Variants in STON2 observed in about 807,000 individuals in gnomAD.
STON2 encodes stonin 2.
A neutral mutation model predicts 65.7 loss-of-function variants in STON2; 29 were observed. The ratio of observed to expected loss-of-function variants is 0.44; its 90% CI spans 0.33 to 0.60. The LOEUF (loss-of-function observed/expected upper bound fraction) is 0.60, where lower values mean the gene tolerates loss of function less well. STON2 is among the 20% of genes least tolerant of loss of function. STON2 has a pLI of 0.03. For synonymous variants in STON2, 404 were observed against 414.2 expected, an observed-to-expected ratio of 0.98 and a Z score of 0.30; for missense variants, 1,054 against 1,118.1, an observed-to-expected ratio of 0.94 and a Z score of 0.82.
At chr14:81,315,317 T>C (rs1896577412) in intron 5 of STON2, among the ~76,000 whole-genome samples, 1 of 152,160 alleles carries the variant, frequency 6.6e-6, no homozygotes, top group South Asian at 2.1e-4. Context: ...ACTCAACACC[T>C]CTTCAAGGGA....
chr14:81,339,582 C>A (rs1897511762), intron 4 of STON2, among the ~76,000 whole-genome samples: 1 of 152,126 alleles, frequency 6.6e-6, no homozygotes, highest in Non-Finnish European at 1.5e-5. Context: ...AAGTTCAGAG[C>A]CAAGAACAGC....
In STON2 at chr14:81,265,110, T is replaced by C; in HGVS notation, c.*3304A>G. 1 of 985,214 alleles carries C rather than the reference T, an allele frequency of 1.0e-6. No individual in the cohort carries two copies. Among genetic ancestry groups the C allele is most frequent in the Non-Finnish European group, 1.2e-6 (1 of 829,848 alleles). The allele number at this position is 985,214 out of a possible 1,614,324, so 61.0% of individuals were successfully genotyped here. On this transcript the variant is annotated 3_prime_UTR_variant, in exon 8 of 8. Transcript: ENST00000614646. The stretch of plus-strand genomic sequence containing the variant: ...AAAAATAAAAAGTCCAGGTCCAGGG[T>C]TGCAAAAGTAGAATCTGCATATCCA...
intron 4 of STON2, among the ~76,000 whole-genome samples, chr14:81,338,429 C>T (rs745562738): frequency 1.3e-5 from 2 of 152,182 alleles, no homozygotes; most frequent in Non-Finnish European, 2.9e-5. Context: ...AAGCTCTGGG[C>T]CCCTTTCCAC....
intron 4 of STON2, among the ~76,000 whole-genome samples, chr14:81,327,107 A>G (rs1813918): frequency 0.8 from 121,664 of 152,132 alleles, 48,992 homozygotes; most frequent in African/African-American, 0.9. Flanking sequence ...GCAGTCAGCC[A>G]AGATTGTGCC....
chr14:81,384,275 T>A (rs1899679148), intron 3 of STON2, among the ~76,000 whole-genome samples: 1 of 152,082 alleles, frequency 6.6e-6, no homozygotes, highest in African/African-American at 2.4e-5. Context: ...GGAGACACAG[T>A]CTTGTTCTGT....
rs145876486 is a variant in STON2 at position 81,323,533 on chromosome 14, G to C, written c.742+484C>G. ...AACTCTTTTCCTCAAACCCCACCTTGCATCTTCCGTTCCACACTGAACTCC... is the reference window on the plus strand; with the variant it reads ...AACTCTTTTCCTCAAACCCCACCTTCCATCTTCCGTTCCACACTGAACTCC... On this transcript the variant is annotated intron_variant, in intron 5 of 7. Coordinates refer to ENST00000614646, the MANE Select transcript of STON2 (RefSeq NM_001394390.1). 1.9e-4 allele frequency: 29 copies of C among 152,174 alleles called. No homozygotes were observed. In the East Asian group the frequency reaches 5.6e-3, roughly 29 times the overall value. The allele number at this position is 152,174 out of a possible 1,614,324, so 9.4% of individuals were successfully genotyped here. A position where few individuals can be genotyped will look rare whatever the true frequency, so the allele number is the denominator to read the frequency against.
chr14:81,416,575 C>G (rs1383123927), intron 2 of STON2, among the ~76,000 whole-genome samples: 1 of 152,168 alleles, frequency 6.6e-6, no homozygotes, highest in South Asian at 2.1e-4. Flanking sequence ...AGAGTGTGTA[C>G]CACACAGTCT....
rs1227305858 is a variant in STON2 at position 81,308,722 on chromosome 14, G to A, written c.742+15295C>T. On this transcript the variant is annotated intron_variant, in intron 5 of 7. Transcript: ENST00000614646. ...GTGCAAGGGAGAATAAAAGAACTGA[G>A]GGAGGAAACAGAAATTCTCAAGAGA... Among the ~76,000 whole-genome samples the A allele has an allele frequency of 2.0e-5, 3 of 148,228 alleles. No homozygotes were observed. The East Asian group carries it at 6.1e-4, about 30-fold the overall frequency.
upstream of STON2, among the ~76,000 whole-genome samples, chr14:81,402,586 G>A (rs1330117841): frequency 6.6e-6 from 1 of 152,118 alleles, no homozygotes; most frequent in Non-Finnish European, 1.5e-5. Flanking sequence ...CTCAGGAAGG[G>A]GGAGCAGGAA....
intron 4 of STON2, among the ~76,000 whole-genome samples, chr14:81,355,945 G>T (rs146641655): frequency 2.0e-5 from 3 of 151,618 alleles, no homozygotes; most frequent in Non-Finnish European, 4.4e-5. Context: ...CAATCATGTC[G>T]TCTGCAAACA....
chr14:81,269,182 T>G (rs1309375517), intron 7 of STON2: 1 of 360,178 alleles, frequency 2.8e-6, no homozygotes, highest in Non-Finnish European at 3.9e-6. Context: ...ATTTTTGAAT[T>G]TTTAGTAGGG....
At position 81,278,542 on chromosome 14, in the gene STON2, G is replaced by C; in HGVS notation, c.940C>G (p.Pro314Ala). The C allele has an allele frequency of 1.2e-6, 2 of 1,613,366 alleles. No homozygotes were observed. The highest frequency in any genetic ancestry group is 1.1e-5 in the South Asian group (1 of 90,892). Residue 314 changes from proline to alanine, a missense_variant, in exon 6 of 8, where the codon CCA (proline) becomes GCA (alanine). By Grantham distance (27) the Pro-to-Ala change is conservative. Transcript: ENST00000614646. ...ACATCTGGGATCACAGATGCACTTG[G>C]TGGTGTATTTGGCTTCAGAGGAGAG... ...VTSPLKPNTPPSASVIPDVPY... is the reference protein window; with the variant it reads ...VTSPLKPNTPASASVIPDVPY...
chr14:81,409,458 TACAC>T (rs981888563), intron 2 of STON2, among the ~76,000 whole-genome samples: 14 of 150,960 alleles, frequency 9.3e-5, no homozygotes, highest in Non-Finnish European at 5.9e-5. Context: ...TACTTATTTA[TACAC>T]ACACACACAT....
chr14:81,263,658 TG>T lies in STON2; in HGVS notation c.*4755del. The T allele has an allele frequency of 1.2e-6, 1 of 854,420 alleles. No homozygotes were observed. Among genetic ancestry groups the T allele is most frequent in the Non-Finnish European group, 1.4e-6 (1 of 710,548 alleles). 52.9% of individuals were successfully genotyped at this position (854,420 alleles called of 1,614,324 possible). On this transcript the variant is annotated 3_prime_UTR_variant, in exon 8 of 8. Coordinates refer to ENST00000614646, the MANE Select transcript of STON2 (RefSeq NM_001394390.1). ...ACCCAAGACAATTCTTCTTCCTATG[TG>T]GCCCAGGGAAGCCAAAAGATTGGAC...
intron 3 of STON2, among the ~76,000 whole-genome samples, chr14:81,389,200 T>C (rs1484812634): frequency 4.6e-5 from 7 of 152,226 alleles, no homozygotes; most frequent in African/African-American, 1.7e-4. Flanking sequence ...GTCAGTTTGC[T>C]CCAGTGATGC....
At chr14:81,370,732 A>G (rs1898944713) in intron 4 of STON2, among the ~76,000 whole-genome samples, 1 of 152,248 alleles carries the variant, frequency 6.6e-6, no homozygotes, top group Admixed American at 6.5e-5. Flanking sequence ...AAACAGTCAG[A>G]AAACAACATA....
exon 1 of STON2, chr14:81,436,385 C>T (rs1902428699): frequency 1.3e-5 from 2 of 151,634 alleles, no homozygotes; most frequent in African/African-American, 4.8e-5. Context: ...GCCGGCTTCT[C>T]TGGCCGCGGG....
In STON2 at chr14:81,278,093, T is replaced by C; in HGVS notation, c.1389A>G (p.Pro463=). The C allele has an allele frequency of 6.2e-7, 1 of 1,614,214 alleles. No homozygotes were observed. The highest frequency in any genetic ancestry group is 8.5e-7 in the Non-Finnish European group (1 of 1,180,036). The change falls in exon 6 of 8, where the codon CCA becomes CCG. Residue 463 remains proline (P), a synonymous_variant. Transcript: ENST00000614646. ...GAGCATCTAGTTCAATCCAGGCTAC[T>C]GGGTCATCATCAGGTAGAGTTGCAC... is the stretch of plus-strand genomic sequence containing the variant. ...FGSATLPDDD[P]VAWIELDAHP... is the part of the protein sequence containing the mutation.
chr14:81,298,413 A>G (rs1396028707), intron 5 of STON2, among the ~76,000 whole-genome samples: 1 of 32,360 alleles, frequency 3.1e-5, no homozygotes, highest in African/African-American at 9.9e-5. Flanking sequence ...ACTGCTTCAG[A>G]TGGGGGGGGG....
Sources: gnomAD v4.1 joint callset for allele counts (sites outside exome capture counted in the v4.1 genomes callset) on GRCh38, gnomAD v4.1.1 for gene constraint, MANE v1.5 for transcripts, NCBI Gene and HGNC (gene_info 2026-07-23, HGNC 2026-07-21) for gene names.